RGPD3: variants seen among roughly 807,000 people sequenced by gnomAD.
The protein encoded by RGPD3 is RANBP2 like and GRIP domain containing 3, also known as ranBP2-like and GRIP domain-containing protein 3.
A neutral mutation model predicts 154.5 loss-of-function variants in RGPD3; 62 were observed. The observed-to-expected ratio is 0.40, with a 90% CI of 0.33 to 0.50. The LOEUF (loss-of-function observed/expected upper bound fraction) is 0.50. Ranked by LOEUF, RGPD3 falls within the 20% of genes least tolerant of loss-of-function variation. The pLI, the probability that RGPD3 is intolerant of heterozygous loss-of-function variation, is 0.59. For synonymous variants in RGPD3, 308 were observed against 607.0 expected, an observed-to-expected ratio of 0.51 and a Z score of 7.24; for missense variants, 919 against 1,716.8, an observed-to-expected ratio of 0.54 and a Z score of 8.21.
At chr2:106,450,018 A>G (rs1250347652) in intron 6 of RGPD3, among the ~76,000 whole-genome samples, 1 of 146,004 alleles carries the variant, frequency 6.8e-6, no homozygotes, top group Non-Finnish European at 1.5e-5. Context: ...CTCCGTCTCA[A>G]AAAAAAAAAG....
intron 22 of RGPD3, among the ~76,000 whole-genome samples, chr2:106,410,887 T>C (rs1037815249): frequency 1.0e-3 from 155 of 152,220 alleles, no homozygotes; most frequent in African/African-American, 3.6e-3. Context: ...TAGAAACCTA[T>C]CCTATAGTTT....
upstream of RGPD3, chr2:106,468,465 G>T (rs758867651): frequency 3.7e-5 from 47 of 1,266,986 alleles, no homozygotes; most frequent in Middle Eastern, 5.5e-4. Context: ...CGACTTCGGC[G>T]CTCGAGCTGC....
At chr2:106,409,772 C>T (rs866206586) in intron 22 of RGPD3, among the ~76,000 whole-genome samples, 3 of 149,432 alleles carry the variant, frequency 2.0e-5, no homozygotes, top group Non-Finnish European at 3.0e-5. Context: ...TTTAGAACTT[C>T]GATTAGTAAA....
chr2:106,407,593 G>A (rs1476760794), intron 22 of RGPD3, among the ~76,000 whole-genome samples: 1 of 151,988 alleles, frequency 6.6e-6, no homozygotes, highest in Non-Finnish European at 1.5e-5. Flanking sequence ...CACCTGCAAT[G>A]AATGGTGTAA....
chr2:106,466,738 C>T (rs369457941), intron 1 of RGPD3, among the ~76,000 whole-genome samples: 10 of 47,290 alleles, frequency 2.1e-4, no homozygotes, highest in South Asian at 1.4e-3. Flanking sequence ...CAACAGAGCG[C>T]GCCAGGGAGC....
At chr2:106,465,274 C>T (rs1188974031) in intron 1 of RGPD3, among the ~76,000 whole-genome samples, 2 of 152,226 alleles carry the variant, frequency 1.3e-5, no homozygotes, top group Non-Finnish European at 2.9e-5. Context: ...AACCTAACTT[C>T]ACAGAATAGC....
rs1308534016 is a variant in RGPD3, at chr2:106,403,577, C to T, written c.*1642G>A. Among the ~76,000 whole-genome samples the T allele has an allele frequency of 3.3e-5, 5 of 152,246 alleles. No homozygotes were observed. Among genetic ancestry groups the T allele is most frequent in the Non-Finnish European group, 5.9e-5 (4 of 68,056 alleles). ...TTTCAAAACAAGTTTATACAGACTT[C>T]AAAAGGTCTCAAGTCAAAGAGAAAG... On this transcript the variant is annotated 3_prime_UTR_variant, in exon 23 of 23. Coordinates refer to ENST00000409886, the MANE Select transcript of RGPD3 (RefSeq NM_001144013.2).
rs1387171538 is a variant in RGPD3, at chr2:106,413,239, T to G, written c.5111A>C (p.Glu1704Ala). 6.2e-7 allele frequency: 1 copy of G among 1,611,998 alleles called. No individual in the cohort carries two copies. Among genetic ancestry groups the G allele is most frequent in the Non-Finnish European group, 8.5e-7 (1 of 1,179,852 alleles). Residue 1704 changes from glutamate to alanine, a missense_variant, in exon 22 of 23, where the codon GAG becomes GCG. Physicochemically the swap from Glu to Ala is moderately radical, Grantham distance 107. Coordinates refer to ENST00000409886, the MANE Select transcript of RGPD3 (RefSeq NM_001144013.2). Reference protein sequence around the residue: ...IRRLERNQEQEVSAANVEHLK... With the variant: ...IRRLERNQEQAVSAANVEHLK... ...GTGTTCCACGTTAGCTGCAGACACC[T>G]CTTGCTCTTGATTCCTTTCCAATCT...
At position 106,430,028 on chromosome 2, in the gene RGPD3, T is replaced by C. The variant is rs576075538; in HGVS notation, c.2470-247A>G. On this transcript the variant is annotated intron_variant, in intron 17 of 22. Transcript: ENST00000409886. ...CCTCCCAACTAGCTGGGATTACAGG[T>C]GTCAGCCAGCACGCCCGGCTAATTT... Among the ~76,000 whole-genome samples, 34 of 152,082 alleles carry C rather than the reference T, an allele frequency of 2.2e-4. No homozygotes were observed. In the South Asian group the frequency reaches 4.4e-3, roughly 20 times the overall value.
intron 8 of RGPD3, among the ~76,000 whole-genome samples, chr2:106,440,258 A>G (rs572096079): frequency 9.9e-6 from 1 of 101,406 alleles, no homozygotes; most frequent in Admixed American, 1.1e-4. Flanking sequence ...TACACTTTAA[A>G]TGGGTGAAGC....
chr2:106,421,939 A>T (rs1677003397), intron 20 of RGPD3, among the ~76,000 whole-genome samples: 1 of 151,070 alleles, frequency 6.6e-6, no homozygotes, highest in African/African-American at 2.4e-5. Context: ...ACTTTGCTTA[A>T]ACTGGCATTC....
intron 19 of RGPD3, 93 bp from the exon 20 acceptor site, chr2:106,425,359 T>TG: frequency 6.4e-7 from 1 of 1,569,176 alleles, no homozygotes; most frequent in Non-Finnish European, 8.6e-7. Context: ...ATTTATCAAA[T>TG]GATGTTAACA....
chr2:106,405,181 C>T lies in RGPD3; in HGVS notation c.*38G>A, dbSNP rs370567559. The T allele has an allele frequency of 1.0e-4, 163 of 1,608,112 alleles. No homozygotes were observed. In the Admixed American group the frequency reaches 1.5e-3, roughly 14 times the overall value. On this transcript the variant is annotated 3_prime_UTR_variant, in exon 23 of 23. Transcript: ENST00000409886. The stretch of plus-strand genomic sequence containing the variant: ...AACCTATCGAAGTCCAAACCAACTA[C>T]GAAGATAGGATGCCCATCCAGAAGA...
chr2:106,437,583 C>T (rs1488286222), intron 9 of RGPD3, among the ~76,000 whole-genome samples: 1 of 152,226 alleles, frequency 6.6e-6, no homozygotes, highest in Non-Finnish European at 1.5e-5. Flanking sequence ...ATCTTTCTGT[C>T]ATTTTGGCAA....
intron 22 of RGPD3, among the ~76,000 whole-genome samples, chr2:106,408,959 T>C (rs1460149329): frequency 6.6e-6 from 1 of 151,830 alleles, no homozygotes; most frequent in Non-Finnish European, 1.5e-5. Flanking sequence ...CTGTTGGGCT[T>C]ACAGGTGTGA....
chr2:106,468,426 T>C, upstream of RGPD3: 1 of 1,501,342 alleles, frequency 6.7e-7, no homozygotes, highest in Non-Finnish European at 9.0e-7. Flanking sequence ...CGAACTTGTG[T>C]CCTGCGTCAA....
At chr2:106,446,126 C>A (rs1295145481) in intron 7 of RGPD3, among the ~76,000 whole-genome samples, 1 of 112,848 alleles carries the variant, frequency 8.9e-6, no homozygotes, top group Admixed American at 1.0e-4. Context: ...GGGGCCTTCT[C>A]TAAAAGTAAT....
intron 1 of RGPD3, among the ~76,000 whole-genome samples, chr2:106,467,375 C>T (rs1678652485): frequency 7.9e-6 from 1 of 127,352 alleles, no homozygotes; most frequent in African/African-American, 3.0e-5. Flanking sequence ...CTCAACAGAG[C>T]GCGCCAGGGA....
intron 6 of RGPD3, among the ~76,000 whole-genome samples, chr2:106,447,980 A>T (rs1181608222): frequency 6.6e-6 from 1 of 151,660 alleles, no homozygotes; most frequent in Non-Finnish European, 1.5e-5. Flanking sequence ...TATTTAATTA[A>T]CAGTTGTAAT....
Sources: gnomAD v4.1 joint callset for allele counts (sites outside exome capture counted in the v4.1 genomes callset) on GRCh38, gnomAD v4.1.1 for gene constraint, MANE v1.5 for transcripts, NCBI Gene and HGNC (gene_info 2026-07-23, HGNC 2026-07-21) for gene names.